Variants in INTS8 observed in about 807,000 individuals in gnomAD.
INTS8 encodes integrator complex subunit 8, also known as protein kaonashi-1.
In INTS8, 47 loss-of-function variants were observed where a neutral mutation model predicts 138.9. The ratio of observed to expected loss-of-function variants is 0.34; its 90% confidence interval spans 0.27 to 0.43. The LOEUF (loss-of-function observed/expected upper bound fraction) is 0.43. INTS8 is among the 20% of genes least tolerant of loss of function. The pLI is 1.00. For missense variants in INTS8, 996 were observed against 1,173.0 expected, an observed-to-expected ratio of 0.85 and a Z score of 2.20; for synonymous variants, 392 against 400.9, an observed-to-expected ratio of 0.98 and a Z score of 0.27.
At chr8:94,850,945 CA>C (rs1236947227) in intron 12 of INTS8, among the ~76,000 whole-genome samples, 4 of 152,094 alleles carry the variant, frequency 2.6e-5, no homozygotes, top group Non-Finnish European at 5.9e-5. Flanking sequence ...ATTGGTTTAA[CA>C]AAAGCAAACT....
intron 10 of INTS8, among the ~76,000 whole-genome samples, chr8:94,846,119 C>G (rs566591245): frequency 1.2e-4 from 19 of 152,264 alleles, no homozygotes; most frequent in African/African-American, 4.1e-4. Flanking sequence ...TGCATTGATA[C>G]AGAGGTATAA....
chr8:94,864,477 G>T (rs1007311410), intron 16 of INTS8, among the ~76,000 whole-genome samples: 1 of 152,172 alleles, frequency 6.6e-6, no homozygotes, highest in African/African-American at 2.4e-5. Flanking sequence ...GGAGGCCGAG[G>T]CGGATAGATC....
At chr8:94,872,150 C>CT (rs1039199113) in intron 21 of INTS8, 148 bp downstream of exon 21, 35 of 550,338 alleles carry the variant, frequency 6.4e-5, no homozygotes, top group Admixed American at 1.8e-4. Flanking sequence ...AGTATTTGTA[C>CT]TTTTTTTTAG....
chr8:94,865,866 G>A (rs1286107863), intron 17 of INTS8, among the ~76,000 whole-genome samples, 176 bp downstream of exon 17: 1 of 152,120 alleles, frequency 6.6e-6, no homozygotes, highest in East Asian at 1.9e-4. Flanking sequence ...GTCTGCCTTG[G>A]CCACCTTTGG....
In INTS8 at chr8:94,865,461, G is replaced by T; in HGVS notation, c.2077-45G>T. The T allele has an allele frequency of 2.7e-6, 4 of 1,492,860 alleles. No homozygotes were observed. In the South Asian group the frequency reaches 4.7e-5, roughly 17 times the overall value. 92.5% of individuals were successfully genotyped at this position (1,492,860 alleles called of 1,614,324 possible). ...CCTTGATAATAGAACTAATGTGCAC[G>T]ACATTACAGATTATCTTTTGTGTAT... On this transcript the variant is annotated intron_variant, in intron 16 of 26. Coordinates refer to ENST00000523731, the MANE Select transcript of INTS8 (RefSeq NM_017864.4).
intron 6 of INTS8, among the ~76,000 whole-genome samples, chr8:94,834,682 G>T (rs958448564): frequency 6.8e-6 from 1 of 147,542 alleles, no homozygotes; most frequent in African/African-American, 2.5e-5. Flanking sequence ...CAGCCTGGGC[G>T]ACAGGAGTGA....
At position 94,871,898 on chromosome 8, in the gene INTS8, A is replaced by G. The variant is rs1816410966; in HGVS notation, c.2429A>G (p.Asp810Gly). Reference protein sequence around the residue: ...PSSIPNLQSVDFEAVAITVKE... With the variant: ...PSSIPNLQSVGFEAVAITVKE... ...TTTCCTTTTAGCCTCCAGTCTGTGG[A>G]CTTTGAAGCTGTGGCAATCACAGTG... Residue 810 changes from aspartate (D) to glycine (G), a missense_variant, in exon 21 of 27, where the codon GAC (aspartate) becomes GGC (glycine). Transcript: ENST00000523731. The G allele has an allele frequency of 6.3e-7, 1 of 1,584,976 alleles. No homozygotes were observed. The highest frequency in any genetic ancestry group is 1.3e-5 in the African/African-American group (1 of 74,386).
chr8:94,856,021 A>C (rs1413246088), intron 14 of INTS8, among the ~76,000 whole-genome samples: 2 of 152,216 alleles, frequency 1.3e-5, no homozygotes, highest in Non-Finnish European at 2.9e-5. Context: ...GAATATAAAG[A>C]GCGTGAGACC....
At chr8:94,879,447 T>C (rs1014548243) in intron 26 of INTS8, among the ~76,000 whole-genome samples, 1 of 151,468 alleles carries the variant, frequency 6.6e-6, no homozygotes, top group Non-Finnish European at 1.5e-5. Flanking sequence ...ATACAAAAAT[T>C]AGACGGACGA....
chr8:94,875,601 G>A (rs1816540485), intron 23 of INTS8, among the ~76,000 whole-genome samples: 2 of 152,082 alleles, frequency 1.3e-5, no homozygotes, highest in Admixed American at 6.5e-5. Context: ...TACTTTAAGA[G>A]GGTAACTTTT....
intron 16 of INTS8, among the ~76,000 whole-genome samples, chr8:94,865,019 T>G (rs1442707333): frequency 6.6e-6 from 1 of 152,204 alleles, no homozygotes; most frequent in Non-Finnish European, 1.5e-5. Flanking sequence ...AAACAATTTT[T>G]TTTTTTAGTG....
In INTS8 at chr8:94,850,411, G is replaced by C. The variant is rs1330161807; in HGVS notation, c.1507+320G>C. Among the ~76,000 whole-genome samples the C allele has an allele frequency of 2.0e-5, 3 of 152,274 alleles. No homozygotes were observed. In the East Asian group the frequency reaches 5.8e-4, roughly 29 times the overall value. ...GCGGATCACGAGGTCAGCAGATAGA[G>C]ACCATCCTGGCTAACACGGTGAAAC... On this transcript the variant is annotated intron_variant, in intron 12 of 26. Transcript: ENST00000523731.
chr8:94,861,703 C>T (rs1393137461), intron 16 of INTS8, among the ~76,000 whole-genome samples: 1 of 152,022 alleles, frequency 6.6e-6, no homozygotes, highest in Non-Finnish European at 1.5e-5. Context: ...CAGGCACGCA[C>T]CACCACGCCT....
At chr8:94,836,923 T>C (rs1814947157) in intron 7 of INTS8, among the ~76,000 whole-genome samples, 1 of 152,192 alleles carries the variant, frequency 6.6e-6, no homozygotes, top group Non-Finnish European at 1.5e-5. Flanking sequence ...GCATTATAAA[T>C]GTATCATATT....
In INTS8 at chr8:94,865,628, A is replaced by C. The variant is rs141637280; in HGVS notation, c.2199A>C (p.Arg733=). The C allele has an allele frequency of 1.9e-5, 31 of 1,614,044 alleles. No homozygotes were observed. The African/African-American group carries it at 3.9e-4, about 20-fold the overall frequency. Residue 733 remains arginine, a synonymous_variant, in exon 17 of 27, where the codon CGA becomes CGC. Coordinates refer to ENST00000523731, the MANE Select transcript of INTS8 (RefSeq NM_017864.4). ...GTAGTGTGTCCAGTCAGCACAAACG[A>C]GGAAATGATGGCAGAGTTAGTTTAA... is the stretch of plus-strand genomic sequence containing the variant. ...QICSVSSQHK[R]GNDGRVSLIK...
At chr8:94,837,757 T>C (rs575833202) in intron 7 of INTS8, among the ~76,000 whole-genome samples, 2 of 152,328 alleles carry the variant, frequency 1.3e-5, no homozygotes, top group South Asian at 2.1e-4. Flanking sequence ...GTCCACCTTT[T>C]GTATGTTGGC....
Position 94,825,020 on chromosome 8 carries a change from T to G in INTS8, c.258T>G (p.Leu86=), listed in dbSNP as rs910049286. The change falls in exon 2 of 27, where the codon CTT becomes CTG. Residue 86 remains leucine, a synonymous_variant. Transcript: ENST00000523731. ...KRNRILKLLA[L]KVAAHLKWDL... ...ATCGTATTTTAAAACTACTTGCTCT[T>G]AAAGTTGCTGCACATTTGAAGTGGG... 7 of 1,612,418 alleles carry G rather than the reference T, an allele frequency of 4.3e-6. No homozygotes were observed. Among genetic ancestry groups the G allele is most frequent in the East Asian group, 2.2e-5 (1 of 44,854 alleles).
At chr8:94,869,246 G>T (rs1816298945) in intron 20 of INTS8, among the ~76,000 whole-genome samples, 1 of 151,720 alleles carries the variant, frequency 6.6e-6, no homozygotes, top group Non-Finnish European at 1.5e-5. Flanking sequence ...CTCCCAAAGT[G>T]CTGGGATTAA....
At chr8:94,841,623 T>C (rs1236978671) in intron 9 of INTS8, 32 bp downstream of exon 9, 1 of 1,201,300 alleles carries the variant, frequency 8.3e-7, no homozygotes, top group East Asian at 2.3e-5. Flanking sequence ...TTCTTGATTT[T>C]TGAATAAAAC....
Sources: allele counts gnomAD v4.1 joint callset (sites outside exome capture counted in the v4.1 genomes callset), GRCh38; gene constraint gnomAD v4.1.1; transcripts MANE v1.5; gene names NCBI Gene and HGNC (gene_info 2026-07-23, HGNC 2026-07-21).